The following TMC2 variants were observed in gnomAD, a reference collection of about 807,000 sequenced individuals.
TMC2 encodes the protein transmembrane channel like 2, also known as transmembrane channel-like protein 2.
Under a neutral mutation model 105.9 loss-of-function variants are expected in TMC2, and 102 were observed. That is an observed-to-expected ratio of 0.96 (90% confidence interval 0.82 to 1.14). The LOEUF is 1.14. TMC2 is among the 50% of genes most tolerant of loss of function. The pLI is 0.00. For synonymous variants in TMC2, 402 were observed against 422.8 expected, an observed-to-expected ratio of 0.95 and a Z score of 0.60; for missense variants, 1,093 against 1,134.3, an observed-to-expected ratio of 0.96 and a Z score of 0.52.
At chr20:2,605,645 A>G (rs1457102104) in intron 11 of TMC2, among the ~76,000 whole-genome samples, 2 of 152,198 alleles carry the variant, frequency 1.3e-5, no homozygotes, top group African/African-American at 2.4e-5. Context: ...AATTTGTGGG[A>G]GGAGGAGGAG....
In TMC2 at chr20:2,641,517, A is replaced by C. The variant is rs1003648443; in HGVS notation, c.*166A>C. 3.0e-5 allele frequency: 18 copies of C among 596,972 alleles called. No homozygotes were observed. Among genetic ancestry groups the C allele is most frequent in the African/African-American group, 2.2e-4 (12 of 53,846 alleles). 37.0% of individuals were successfully genotyped at this position (596,972 alleles called of 1,614,324 possible). A position where few individuals can be genotyped will look rare whatever the true frequency, so the allele number is the denominator to read the frequency against. On this transcript the variant is annotated 3_prime_UTR_variant, in exon 20 of 20. Transcript: ENST00000358864. ...TCCTTCAGGCCCTTGTCAGCTACCGAAGGAGGAAGACAGTGGCTTCACCTG... is the reference window on the plus strand; with the variant it reads ...TCCTTCAGGCCCTTGTCAGCTACCGCAGGAGGAAGACAGTGGCTTCACCTG...
At chr20:2,580,972 A>G (rs1283233608) in intron 7 of TMC2, among the ~76,000 whole-genome samples, 4 of 152,196 alleles carry the variant, frequency 2.6e-5, no homozygotes, top group African/African-American at 9.6e-5. Context: ...CCTGACTGAA[A>G]TCCTTGATGC....
chr20:2,573,778 T>C (rs1568510143), intron 5 of TMC2, among the ~76,000 whole-genome samples: 1 of 151,654 alleles, frequency 6.6e-6, no homozygotes, highest in African/African-American at 2.4e-5. Flanking sequence ...GCCAGGATGG[T>C]CTCGATCTCC....
intron 2 of TMC2, among the ~76,000 whole-genome samples, chr20:2,551,984 T>C (rs565161932): frequency 2.6e-5 from 4 of 152,146 alleles, no homozygotes; most frequent in Non-Finnish European, 4.4e-5. Flanking sequence ...CAGGGCTGGG[T>C]GCAGTAGCTC....
At chr20:2,576,912 T>G (rs1206461079) in intron 5 of TMC2, among the ~76,000 whole-genome samples, 8 of 94,782 alleles carry the variant, frequency 8.4e-5, no homozygotes, top group African/African-American at 2.0e-4. Context: ...TTTTTTTTTT[T>G]GTTTTTTTTT....
At chr20:2,617,588 CATTT>C (rs2086494127) in intron 16 of TMC2, 3 of 466,170 alleles carry the variant, frequency 6.4e-6, no homozygotes, top group Non-Finnish European at 1.2e-5. Context: ...GTATTTTTCT[CATTT>C]ATTTATTAAT....
At chr20:2,617,561 G>A (rs182137922) in intron 16 of TMC2, 19 of 524,162 alleles carry the variant, frequency 3.6e-5, no homozygotes, top group Non-Finnish European at 5.8e-5. Flanking sequence ...GAGGAACTGA[G>A]AAAATTAATT....
At chr20:2,580,276 T>C (rs2086180251) in intron 7 of TMC2, among the ~76,000 whole-genome samples, 1 of 152,214 alleles carries the variant, frequency 6.6e-6, no homozygotes, top group Non-Finnish European at 1.5e-5. Context: ...ATTTATAAAA[T>C]TAAAAGTAAT....
chr20:2,563,559 A>T lies in TMC2; in HGVS notation c.554+1549A>T, dbSNP rs138430612. 3.5e-3 allele frequency among the ~76,000 whole-genome samples: 528 copies of T among 152,298 alleles called. 5 individuals carry two copies. The highest frequency in any genetic ancestry group is 0.012 in the African/African-American group (491 of 41,568). On this transcript the variant is annotated intron_variant, in intron 4 of 19. Transcript: ENST00000358864. ...ACTTAAATTTATGTATAGCATAGTG[A>T]CTATAATTAATAACAATATATTGGA...
intron 10 of TMC2, 31 bp downstream of exon 10, chr20:2,597,329 G>T: frequency 6.2e-7 from 1 of 1,607,106 alleles, no homozygotes; most frequent in South Asian, 1.1e-5. Flanking sequence ...CCCACTTCCG[G>T]AGAACTCTAG....
At chr20:2,600,678 GC>G (rs1474387965) in intron 10 of TMC2, among the ~76,000 whole-genome samples, 2 of 152,190 alleles carry the variant, frequency 1.3e-5, no homozygotes, top group East Asian at 3.8e-4. Flanking sequence ...AAAAAAATTA[GC>G]CGGGCATGGT....
Position 2,613,300 on chromosome 20 carries a change from G to A in TMC2, c.1850G>A (p.Cys617Tyr), listed in dbSNP as rs1403227839. 1.2e-6 allele frequency: 2 copies of A among 1,613,984 alleles called. No homozygotes were observed. Among genetic ancestry groups the A allele is most frequent in the Non-Finnish European group, 1.7e-6 (2 of 1,180,018 alleles). ...GTGCGGTTCATGAACTACTGCTGGT[G>A]CTGGGACTTGGAGGCTGGATTTGTA... ...CFVRFMNYCW[C>Y]WDLEAGFPSY... Residue 617 changes from cysteine to tyrosine, a missense_variant, in exon 14 of 20, where the codon TGC becomes TAC. Transcript: ENST00000358864.
At chr20:2,591,817 G>A (rs778987595) in intron 7 of TMC2, among the ~76,000 whole-genome samples, 3 of 152,178 alleles carry the variant, frequency 2.0e-5, no homozygotes, top group African/African-American at 4.8e-5. Flanking sequence ...TACAATGAGT[G>A]TGTGTTACTC....
At position 2,602,235 on chromosome 20, in the gene TMC2, C is replaced by A. The variant is rs764716948; in HGVS notation, c.1347C>A (p.Tyr449Ter). The change falls in exon 11 of 20, where the codon TAC becomes TAA. Residue 449 changes from tyrosine (Y) to a stop codon, truncating the protein, a stop_gained. Transcript: ENST00000358864. LOFTEE classifies it high-confidence loss of function. ...TGTGTGGAAGTGGGTACCTCATTTA[C>A]TTTGTGGTTAAGCGATCTCAGCAAT... ...CCLCGSGYLI[Y>*]FVVKRSQQFS... 12 of 1,613,244 alleles carry A rather than the reference C, an allele frequency of 7.4e-6. No individual in the cohort carries two copies. The highest frequency in any genetic ancestry group is 1.7e-4 in the Middle Eastern group (1 of 6,060).
At chr20:2,584,153 G>C (rs1311769635) in intron 7 of TMC2, among the ~76,000 whole-genome samples, 1 of 152,256 alleles carries the variant, frequency 6.6e-6, no homozygotes, top group East Asian at 1.9e-4. Context: ...CATATGAAAA[G>C]ATATAATGAG....
At chr20:2,590,795 A>G (rs2086263293) in intron 7 of TMC2, among the ~76,000 whole-genome samples, 1 of 152,114 alleles carries the variant, frequency 6.6e-6, no homozygotes, top group African/African-American at 2.4e-5. Context: ...AATCTAATAA[A>G]CAAGTATATT....
intron 19 of TMC2, among the ~76,000 whole-genome samples, chr20:2,639,329 C>A (rs1335319495): frequency 6.6e-6 from 1 of 152,216 alleles, no homozygotes; most frequent in Non-Finnish European, 1.5e-5. Context: ...AACTTCCAGT[C>A]CTGCAAGCTC....
intron 2 of TMC2, among the ~76,000 whole-genome samples, chr20:2,544,496 T>C (rs1385698649): frequency 6.6e-6 from 1 of 152,212 alleles, no homozygotes; most frequent in East Asian, 1.9e-4. Flanking sequence ...TTTCTTTGTT[T>C]ACTTCCTAGA....
chr20:2,545,381 C>T (rs564921600), intron 2 of TMC2, among the ~76,000 whole-genome samples: 4 of 152,234 alleles, frequency 2.6e-5, no homozygotes, highest in South Asian at 2.1e-4. Context: ...CTACTGACCT[C>T]GTTTTCCTAG....
Sources: allele counts gnomAD v4.1 joint callset (sites outside exome capture counted in the v4.1 genomes callset), GRCh38; gene constraint gnomAD v4.1.1; transcripts MANE v1.5; gene names NCBI Gene and HGNC (gene_info 2026-07-23, HGNC 2026-07-21).